The following PITPNC1 variants were observed in gnomAD, a reference collection of about 807,000 sequenced individuals.
PITPNC1 encodes the protein cytoplasmic phosphatidylinositol transfer protein 1.
In PITPNC1, 18 loss-of-function variants were observed where a neutral mutation model predicts 44.7. The observed-to-expected ratio is 0.40, with a 90% CI of 0.28 to 0.60. The LOEUF (loss-of-function observed/expected upper bound fraction) is 0.60. PITPNC1 is among the 20% of genes least tolerant of loss of function. The probability of loss-of-function intolerance (pLI) is 0.39; values close to 1 mark genes in which losing one functional copy is unlikely to be tolerated. For missense variants in PITPNC1, 290 were observed against 418.4 expected (o/e 0.69, Z 2.68); for synonymous variants, 141 against 149.6 (o/e 0.94, Z 0.42).
intron 5 of PITPNC1, among the ~76,000 whole-genome samples, chr17:67,631,657 A>AATATATATATATATATAT (rs1555574521): frequency 5.3e-3 from 41 of 7,664 alleles, no homozygotes; most frequent in African/African-American, 0.011. Context: ...AAAAAAAAAA[A>AATATATATATATATATAT]ATATATATAT....
chr17:67,387,718 C>T (rs1346229623), intron 1 of PITPNC1, among the ~76,000 whole-genome samples: 1 of 152,140 alleles, frequency 6.6e-6, no homozygotes, highest in Non-Finnish European at 1.5e-5. Context: ...CTATTTATAT[C>T]CTCTATTATC....
chr17:67,394,933 TACCTATAATCTCA>T (rs915372824), intron 1 of PITPNC1, among the ~76,000 whole-genome samples: 9 of 151,134 alleles, frequency 6.0e-5, no homozygotes, highest in Non-Finnish European at 7.4e-5. Flanking sequence ...CAGTGGCTCA[TACCTATAATCTCA>T]ACACTTTGGG....
Position 67,697,251 on chromosome 17 carries a change from A to G in PITPNC1, c.*4363A>G, listed in dbSNP as rs2043024588. 1 of 150,282 alleles carries G rather than the reference A, an allele frequency of 6.7e-6. No homozygotes were observed. Among genetic ancestry groups the G allele is most frequent in the African/African-American group, 2.5e-5 (1 of 40,482 alleles). 9.3% of individuals were successfully genotyped at this position (150,282 alleles called of 1,614,324 possible). On this transcript the variant is annotated 3_prime_UTR_variant, in exon 9 of 9. Coordinates refer to ENST00000581322, the MANE Select transcript of PITPNC1 (RefSeq NM_012417.4). The stretch of plus-strand genomic sequence containing the variant: ...TCTGTTGTAAATAAAATACAAAGCA[A>G]TCTTCTTTGCAAGCGTAGCTTCCTC...
At chr17:67,398,228 T>C (rs1272396937) in intron 1 of PITPNC1, among the ~76,000 whole-genome samples, 2 of 152,204 alleles carry the variant, frequency 1.3e-5, no homozygotes, top group Non-Finnish European at 2.9e-5. Context: ...CAAATACATC[T>C]TTATTAATCA....
chr17:67,479,662 T>C (rs892503686), intron 1 of PITPNC1, among the ~76,000 whole-genome samples: 2 of 152,138 alleles, frequency 1.3e-5, no homozygotes, highest in Non-Finnish European at 2.9e-5. Flanking sequence ...GATTATGATT[T>C]TTTTTTCTGA....
At chr17:67,385,749 T>G (rs997545604) in intron 1 of PITPNC1, among the ~76,000 whole-genome samples, 11 of 3,560 alleles carry the variant, frequency 3.1e-3, no homozygotes, top group Non-Finnish European at 0.023. Flanking sequence ...AAGCTCCGGT[T>G]TTTTTTTTTG....
At chr17:67,405,343 G>GAGGATCACTT (rs1301675233) in intron 1 of PITPNC1, among the ~76,000 whole-genome samples, 1 of 151,796 alleles carries the variant, frequency 6.6e-6, no homozygotes, top group African/African-American at 2.4e-5. Flanking sequence ...TTTGAGCCTG[G>GAGGATCACTT]GAGTTCAGGG....
In PITPNC1 at chr17:67,671,912, G is replaced by T. The variant is rs117281551; in HGVS notation, c.618+2249G>T. Among the ~76,000 whole-genome samples, 208 of 152,018 alleles carry T rather than the reference G, an allele frequency of 1.4e-3. 4 individuals carry two copies. In the East Asian group the frequency reaches 0.028, roughly 21 times the overall value. ...AGGTAAAAAGACTTCCTCTTACTAG[G>T]GCCACTATCATAGTATTATTTTGTT... On this transcript the variant is annotated intron_variant, in intron 7 of 8. Coordinates refer to ENST00000581322, the MANE Select transcript of PITPNC1 (RefSeq NM_012417.4).
chr17:67,400,130 G>A (rs540350166), intron 1 of PITPNC1, among the ~76,000 whole-genome samples: 2 of 152,278 alleles, frequency 1.3e-5, no homozygotes, highest in Admixed American at 1.3e-4. Context: ...CTTTATTTTA[G>A]GGGGACCCTC....
chr17:67,628,018 C>A (rs1231295884), intron 5 of PITPNC1, among the ~76,000 whole-genome samples: 1 of 151,332 alleles, frequency 6.6e-6, no homozygotes, highest in Non-Finnish European at 1.5e-5. Flanking sequence ...TCTCTGCCTC[C>A]CGAGTTCAAG....
At chr17:67,540,898 A>T (rs2144143568) in intron 2 of PITPNC1, among the ~76,000 whole-genome samples, 1 of 152,372 alleles carries the variant, frequency 6.6e-6, no homozygotes, top group Middle Eastern at 3.4e-3. Context: ...AGAAACCCAC[A>T]GCCAGGAAGG....
intron 8 of PITPNC1, among the ~76,000 whole-genome samples, chr17:67,689,937 C>T (rs2042889660): frequency 1.3e-5 from 2 of 152,148 alleles, no homozygotes; most frequent in Non-Finnish European, 2.9e-5. Flanking sequence ...CTTCTTAGCT[C>T]ATTTAATAGT....
chr17:67,439,070 G>C (rs1005064466), intron 1 of PITPNC1, among the ~76,000 whole-genome samples: 4 of 152,150 alleles, frequency 2.6e-5, no homozygotes, highest in African/African-American at 9.7e-5. Context: ...GTTTCTGGTT[G>C]GTTTCGGACA....
intron 6 of PITPNC1, among the ~76,000 whole-genome samples, chr17:67,659,457 G>A (rs2042312634): frequency 6.6e-6 from 1 of 152,166 alleles, no homozygotes; most frequent in South Asian, 2.1e-4. Flanking sequence ...ATATCATGGT[G>A]CTCTAAGGTA....
At chr17:67,557,887 C>A (rs930169956) in intron 4 of PITPNC1, among the ~76,000 whole-genome samples, 1 of 152,216 alleles carries the variant, frequency 6.6e-6, no homozygotes, top group Non-Finnish European at 1.5e-5. Context: ...TCCATAGTTC[C>A]TGTTCGGTGC....
chr17:67,645,147 C>G (rs993830118), intron 6 of PITPNC1, among the ~76,000 whole-genome samples: 8 of 152,028 alleles, frequency 5.3e-5, no homozygotes, highest in Non-Finnish European at 1.0e-4. Flanking sequence ...TTGAGACCAG[C>G]CTGACCAACA....
At chr17:67,689,535 A>G (rs1044731619) in intron 8 of PITPNC1, among the ~76,000 whole-genome samples, 1 of 152,222 alleles carries the variant, frequency 6.6e-6, no homozygotes. Context: ...CTTTGTCACA[A>G]ATAAAAACTG....
At chr17:67,464,927 T>C (rs12945293) in intron 1 of PITPNC1, among the ~76,000 whole-genome samples, 90,195 of 152,004 alleles carry the variant, frequency 0.59, 28,485 homozygotes, top group African/African-American at 0.8. Flanking sequence ...TTATTAGAGA[T>C]GGGGTTTCAC....
At chr17:67,389,146 A>G (rs928819678) in intron 1 of PITPNC1, among the ~76,000 whole-genome samples, 3 of 152,224 alleles carry the variant, frequency 2.0e-5, no homozygotes, top group African/African-American at 7.2e-5. Context: ...TACTGCATCC[A>G]TCAGTTAGAG....
Sources: allele counts gnomAD v4.1 joint callset (sites outside exome capture counted in the v4.1 genomes callset), GRCh38; gene constraint gnomAD v4.1.1; transcripts MANE v1.5; gene names NCBI Gene and HGNC (gene_info 2026-07-23, HGNC 2026-07-21).